SHROOM3: variants seen among roughly 807,000 people sequenced by gnomAD.
SHROOM3 encodes shroom family member 3.
In SHROOM3, 47 loss-of-function variants were observed where a neutral mutation model predicts 138.6. The ratio of observed to expected loss-of-function variants is 0.34; its 90% CI spans 0.27 to 0.43. The LOEUF (loss-of-function observed/expected upper bound fraction) is 0.43. Ranked by LOEUF, SHROOM3 falls within the 20% of genes least tolerant of loss-of-function variation. SHROOM3 has a pLI of 1.00. For missense variants in SHROOM3, 2,491 were observed against 2,596.5 expected (o/e 0.96, Z 0.88); for synonymous variants, 1,062 against 1,063.3 (o/e 1.00, Z 0.02).
Position 76,611,624 on chromosome 4 carries a change from A to G in SHROOM3, c.323+55861A>G, listed in dbSNP as rs150337634. Among the ~76,000 whole-genome samples the G allele has an allele frequency of 7.4e-4, 113 of 152,204 alleles. 1 individual carries two copies. Among genetic ancestry groups the G allele is most frequent in the African/African-American group, 2.5e-3 (105 of 41,528 alleles). On this transcript the variant is annotated intron_variant, in intron 2 of 10. Coordinates refer to ENST00000296043, the MANE Select transcript of SHROOM3 (RefSeq NM_020859.4). The stretch of plus-strand genomic sequence containing the variant: ...AGGGCAAACTCCTTACTGTTTTTAT[A>G]TTTGCCCTCCATTGATAAGAACTTC...
intron 1 of SHROOM3, among the ~76,000 whole-genome samples, chr4:76,554,423 T>G (rs1266785914): frequency 6.1e-5 from 9 of 147,264 alleles, no homozygotes; most frequent in Admixed American, 2.7e-4. Flanking sequence ...GTTTGTGTTT[T>G]TTTTTTTTTT....
chr4:76,681,567 G>A (rs1027712023), intron 2 of SHROOM3, among the ~76,000 whole-genome samples: 4 of 146,336 alleles, frequency 2.7e-5, no homozygotes, highest in East Asian at 2.1e-4. Context: ...TTGCAGCTAA[G>A]TTGTAAGAAG....
Position 76,656,751 on chromosome 4 carries a change from T to C in SHROOM3, c.324-53405T>C, listed in dbSNP as rs531006178. On this transcript the variant is annotated intron_variant, in intron 2 of 10. Transcript: ENST00000296043. ...GTGGATCTGTACCAATGTCTGTCTC[T>C]TACCAGCTGCATAATGGAAACATTA... is the stretch of plus-strand genomic sequence containing the variant. Among the ~76,000 whole-genome samples the C allele has an allele frequency of 5.9e-5, 9 of 152,350 alleles. No homozygotes were observed. In the East Asian group the frequency reaches 1.7e-3, roughly 29 times the overall value.
chr4:76,742,250 C>CT (rs560538694), intron 5 of SHROOM3: 13,655 of 286,024 alleles, frequency 0.048, 2 homozygotes, highest in South Asian at 0.077. Context: ...TTGTTTTTTG[C>CT]TTTTTTTTTT....
intron 1 of SHROOM3, among the ~76,000 whole-genome samples, chr4:76,445,529 G>A (rs1426965881): frequency 2.0e-5 from 3 of 152,118 alleles, no homozygotes; most frequent in African/African-American, 7.2e-5. Flanking sequence ...CATGCAAAGA[G>A]GTTTATAAGT....
At chr4:76,519,389 G>T (rs916304734) in intron 1 of SHROOM3, among the ~76,000 whole-genome samples, 1 of 152,140 alleles carries the variant, frequency 6.6e-6, no homozygotes, top group African/African-American at 2.4e-5. Flanking sequence ...AATCAATTCT[G>T]TAAATTTTGG....
At chr4:76,668,725 C>G (rs903995249) in intron 2 of SHROOM3, among the ~76,000 whole-genome samples, 1 of 152,198 alleles carries the variant, frequency 6.6e-6, no homozygotes, top group Non-Finnish European at 1.5e-5. Context: ...GAAACAGACA[C>G]ACCTGCACAG....
chr4:76,685,652 T>C (rs375096185), intron 2 of SHROOM3, among the ~76,000 whole-genome samples: 13 of 152,218 alleles, frequency 8.5e-5, no homozygotes, highest in African/African-American at 2.7e-4. Flanking sequence ...TAAGAAATAA[T>C]GGTAGACTAT....
chr4:76,661,644 T>A (rs1736190358), intron 2 of SHROOM3, among the ~76,000 whole-genome samples: 1 of 152,224 alleles, frequency 6.6e-6, no homozygotes, highest in Non-Finnish European at 1.5e-5. Context: ...ATTAGTTTTT[T>A]CTATCCTAGA....
chr4:76,716,454 T>C (rs1720379194), intron 3 of SHROOM3: 1 of 518,408 alleles, frequency 1.9e-6, no homozygotes, highest in African/African-American at 1.9e-5. Context: ...AATCTTTCAT[T>C]GCAGGATCCT....
At chr4:76,675,256 C>T (rs1464746561) in intron 2 of SHROOM3, among the ~76,000 whole-genome samples, 1 of 152,152 alleles carries the variant, frequency 6.6e-6, no homozygotes, top group East Asian at 1.9e-4. Context: ...TTATGAAGAA[C>T]AGGGATCTCA....
At chr4:76,742,835 G>T (rs911573974) in intron 5 of SHROOM3, among the ~76,000 whole-genome samples, 1 of 152,068 alleles carries the variant, frequency 6.6e-6, no homozygotes, top group African/African-American at 2.4e-5. Context: ...GAAGAACTCC[G>T]CTCCACTCTC....
chr4:76,608,533 A>G (rs867293613), intron 2 of SHROOM3, among the ~76,000 whole-genome samples: 3 of 14,060 alleles, frequency 2.1e-4, no homozygotes, highest in East Asian at 2.4e-3. Flanking sequence ...GAGATGGCAT[A>G]GCATAGCATA....
chr4:76,708,229 C>T (rs1341745237), intron 2 of SHROOM3, among the ~76,000 whole-genome samples: 2 of 152,104 alleles, frequency 1.3e-5, no homozygotes, highest in African/African-American at 2.4e-5. Flanking sequence ...TTATGTTCCT[C>T]ATGCTTCCAT....
chr4:76,614,861 G>C (rs1734839685), intron 2 of SHROOM3, among the ~76,000 whole-genome samples: 1 of 152,258 alleles, frequency 6.6e-6, no homozygotes, highest in Non-Finnish European at 1.5e-5. Context: ...CCTGGGGTCA[G>C]AGAGGCTCAT....
intron 2 of SHROOM3, among the ~76,000 whole-genome samples, chr4:76,659,172 C>T (rs1405358423): frequency 6.6e-6 from 1 of 152,272 alleles, no homozygotes; most frequent in African/African-American, 2.4e-5. Flanking sequence ...TGTGAATACT[C>T]AAGGCCCATC....
intron 1 of SHROOM3, among the ~76,000 whole-genome samples, chr4:76,480,542 G>A (rs999696281): frequency 6.6e-6 from 1 of 152,170 alleles, no homozygotes; most frequent in Non-Finnish European, 1.5e-5. Context: ...AATAGTGGGA[G>A]ACTTTAACAC....
At chr4:76,665,923 C>T (rs1402253789) in intron 2 of SHROOM3, among the ~76,000 whole-genome samples, 8 of 152,152 alleles carry the variant, frequency 5.3e-5, no homozygotes, top group Admixed American at 5.2e-4. Context: ...TAAGCGCTGC[C>T]CTGGTAAGTT....
intron 2 of SHROOM3, among the ~76,000 whole-genome samples, chr4:76,680,953 T>G (rs759293567): frequency 6.6e-6 from 1 of 152,242 alleles, no homozygotes; most frequent in Non-Finnish European, 1.5e-5. Flanking sequence ...CCCCATGCTG[T>G]CAGCATGACT....
Sources: gnomAD v4.1 joint callset for allele counts (sites outside exome capture counted in the v4.1 genomes callset) on GRCh38, gnomAD v4.1.1 for gene constraint, MANE v1.5 for transcripts, NCBI Gene and HGNC (gene_info 2026-07-23, HGNC 2026-07-21) for gene names.